Variants in UNC5C observed in about 807,000 individuals in gnomAD.
UNC5C encodes the protein netrin receptor UNC5C.
UNC5C carries 47 observed loss-of-function variants against 99.8 expected under a neutral mutation model. That is an observed-to-expected ratio of 0.47 (90% CI 0.37 to 0.60). The LOEUF is 0.60. Ranked by LOEUF, UNC5C falls within the 20% of genes least tolerant of loss-of-function variation. The pLI is 0.00. For missense variants in UNC5C, 1,062 were observed against 1,165.9 expected, an observed-to-expected ratio of 0.91 and a Z score of 1.30; for synonymous variants, 487 against 452.2, an observed-to-expected ratio of 1.08 and a Z score of -0.98.
intron 1 of UNC5C, among the ~76,000 whole-genome samples, chr4:95,474,590 T>C (rs1315423907): frequency 3.3e-5 from 5 of 152,048 alleles, no homozygotes; most frequent in Admixed American, 6.6e-5. Context: ...GCCTCGCCTA[T>C]GGTACATATA....
rs1277451656 is a variant in UNC5C, at chr4:95,206,764, G to A, written c.1766C>T (p.Thr589Ile). The part of the protein sequence containing the change: ...PPMDDSQTLL[T>I]PVVSCGPPGA... ...TGGGGGCCCACAGCTCACCACAGGG[G>A]TCAAAAGTGTCTGAGAGTCATCCAT... is the stretch of plus-strand genomic sequence containing the variant. The change falls in exon 11 of 16, where the codon ACC becomes ATC. Residue 589 changes from threonine to isoleucine, a missense_variant. By Grantham distance (89) the Thr-to-Ile change is moderately conservative (BLOSUM62 -1). Coordinates refer to ENST00000453304, the MANE Select transcript of UNC5C (RefSeq NM_003728.4). 6.2e-7 allele frequency: 1 copy of A among 1,611,662 alleles called. No individual in the cohort carries two copies. The highest frequency in any genetic ancestry group is 8.5e-7 in the Non-Finnish European group (1 of 1,179,050).
At chr4:95,527,414 T>C (rs933931929) in intron 1 of UNC5C, among the ~76,000 whole-genome samples, 1 of 152,124 alleles carries the variant, frequency 6.6e-6, no homozygotes, top group African/African-American at 2.4e-5. Flanking sequence ...CTGATCAGTG[T>C]GACCAAACTG....
chr4:95,215,596 C>A (rs1016641159), intron 10 of UNC5C, among the ~76,000 whole-genome samples: 2 of 152,006 alleles, frequency 1.3e-5, no homozygotes, highest in Non-Finnish European at 2.9e-5. Flanking sequence ...TTCTGAACAG[C>A]CTAATGTGGA....
chr4:95,538,503 C>T (rs17024162), intron 1 of UNC5C, among the ~76,000 whole-genome samples: 4,062 of 152,260 alleles, frequency 0.027, 125 homozygotes, highest in East Asian at 0.097. Flanking sequence ...CAACCTCCCT[C>T]ATTAGGATTT....
chr4:95,183,835 T>G (rs534025191), intron 13 of UNC5C, among the ~76,000 whole-genome samples: 1 of 152,300 alleles, frequency 6.6e-6, no homozygotes, highest in African/African-American at 2.4e-5. Context: ...ACTTAATCTT[T>G]CCATTGCTCA....
At chr4:95,434,489 T>C (rs901844960) in intron 1 of UNC5C, among the ~76,000 whole-genome samples, 2 of 152,062 alleles carry the variant, frequency 1.3e-5, no homozygotes, top group African/African-American at 4.8e-5. Context: ...GGACTTGCCA[T>C]TGAAGGTGGC....
chr4:95,261,939 A>G (rs1740251884), intron 4 of UNC5C, among the ~76,000 whole-genome samples: 1 of 152,110 alleles, frequency 6.6e-6, no homozygotes, highest in African/African-American at 2.4e-5. Context: ...GCCTGACTTC[A>G]TGATCTGCCG....
intron 1 of UNC5C, among the ~76,000 whole-genome samples, chr4:95,533,503 T>C (rs1335504034): frequency 1.3e-5 from 2 of 152,024 alleles, no homozygotes; most frequent in African/African-American, 4.8e-5. Flanking sequence ...AAATAATACA[T>C]CATTAAATAT....
chr4:95,374,316 T>A (rs571081326), intron 1 of UNC5C, among the ~76,000 whole-genome samples: 1 of 152,174 alleles, frequency 6.6e-6, no homozygotes, highest in Non-Finnish European at 1.5e-5. Flanking sequence ...TTGACAAATA[T>A]ATCTTCTAGA....
intron 3 of UNC5C, among the ~76,000 whole-genome samples, chr4:95,280,135 C>A (rs1020722477): frequency 2.0e-5 from 3 of 152,092 alleles, no homozygotes; most frequent in Non-Finnish European, 4.4e-5. Flanking sequence ...GTTGTGACCC[C>A]TGCTCGCAAG....
intron 1 of UNC5C, among the ~76,000 whole-genome samples, chr4:95,494,911 T>A (rs1410028317): frequency 6.6e-6 from 1 of 151,430 alleles, no homozygotes; most frequent in Non-Finnish European, 1.5e-5. Context: ...TAAATTTTAA[T>A]AACATTTAAT....
chr4:95,355,062 A>G (rs1366216096), intron 1 of UNC5C, among the ~76,000 whole-genome samples: 2 of 152,174 alleles, frequency 1.3e-5, no homozygotes, highest in Non-Finnish European at 2.9e-5. Flanking sequence ...TTTTGTTCTC[A>G]TAGATTAAGA....
rs1477178577 is a variant in UNC5C, at chr4:95,192,815, T to C, written c.2137-7619A>G. 2.6e-5 allele frequency among the ~76,000 whole-genome samples: 4 copies of C among 152,174 alleles called. No individual in the cohort carries two copies. The South Asian group carries it at 8.3e-4, about 32-fold the overall frequency. ...AGTGCCCCAAAATTGCACCACCTTC[T>C]TCCTCAAGGCATGTGTTATGCCTTC... On this transcript the variant is annotated intron_variant, in intron 12 of 15. Coordinates refer to ENST00000453304, the MANE Select transcript of UNC5C (RefSeq NM_003728.4).
At chr4:95,393,455 G>A (rs549539439) in intron 1 of UNC5C, among the ~76,000 whole-genome samples, 13 of 152,280 alleles carry the variant, frequency 8.5e-5, no homozygotes, top group African/African-American at 3.1e-4. Flanking sequence ...CATACTATGT[G>A]TGATAAGCCC....
At chr4:95,429,302 C>CA (rs34733638) in intron 1 of UNC5C, among the ~76,000 whole-genome samples, 19,692 of 136,968 alleles carry the variant, frequency 0.14, 1,856 homozygotes, top group Admixed American at 0.3. Flanking sequence ...AAAAAACAAA[C>CA]AAAAAAAACA....
rs77028450 is a variant in UNC5C at position 95,301,649 on chromosome 4, G to A, written c.447C>T (p.Ser149=). 4 of 1,613,798 alleles carry A rather than the reference G, an allele frequency of 2.5e-6. No homozygotes were observed. The highest frequency in any genetic ancestry group is 1.7e-5 in the Admixed American group (1 of 60,022). ...DYWCQCVAWS[S]AGTTKSRKAY... The stretch of plus-strand genomic sequence containing the variant: ...CCTTCCGGCTCTTTGTGGTACCCGC[G>A]GAGCTCCAGGCCACACACTGGCACC... Residue 149 remains serine (S), a synonymous_variant, in exon 3 of 16, where the codon TCC becomes TCT. Coordinates refer to ENST00000453304, the MANE Select transcript of UNC5C (RefSeq NM_003728.4).
chr4:95,481,157 A>G (rs899180617), intron 1 of UNC5C, among the ~76,000 whole-genome samples: 32 of 152,192 alleles, frequency 2.1e-4, no homozygotes, highest in Non-Finnish European at 3.7e-4. Flanking sequence ...AAACTTCAGC[A>G]AAGTCTCAGG....
chr4:95,413,945 A>G (rs577726698), intron 1 of UNC5C, among the ~76,000 whole-genome samples: 140 of 152,320 alleles, frequency 9.2e-4, no homozygotes, highest in African/African-American at 3.3e-3. Flanking sequence ...ACCATCAAAG[A>G]AAAGCTGTTC....
At position 95,362,987 on chromosome 4, in the gene UNC5C, G is replaced by A. The variant is rs1744442045; in HGVS notation, c.125-27356C>T. Among the ~76,000 whole-genome samples the A allele has an allele frequency of 1.3e-5, 2 of 151,994 alleles. 1 individual carries two copies. Among genetic ancestry groups the A allele is most frequent in the South Asian group, 4.2e-4 (2 of 4,796 alleles). On this transcript the variant is annotated intron_variant, in intron 1 of 15. Coordinates refer to ENST00000453304, the MANE Select transcript of UNC5C (RefSeq NM_003728.4). ...ATATCATATTACACAGCTCTAGGGG[G>A]CGCCGTTCATATTGTAGTTTATGTA... is the stretch of plus-strand genomic sequence containing the variant.
Sources: gnomAD v4.1 joint callset for allele counts (sites outside exome capture counted in the v4.1 genomes callset) on GRCh38, gnomAD v4.1.1 for gene constraint, MANE v1.5 for transcripts, NCBI Gene and HGNC (gene_info 2026-07-23, HGNC 2026-07-21) for gene names.